The following TENM1 variants were observed in gnomAD, a reference collection of about 807,000 sequenced individuals.
The protein encoded by TENM1 is teneurin transmembrane protein 1.
TENM1 carries 35 observed loss-of-function variants against 174.8 expected under a neutral mutation model. That is an observed-to-expected ratio of 0.20 (90% CI 0.15 to 0.27). The LOEUF (loss-of-function observed/expected upper bound fraction) is 0.27, where lower values mean the gene tolerates loss of function less well. Among genes scored for constraint, TENM1 ranks in the 10% least tolerant of loss-of-function variants. The probability of loss-of-function intolerance (pLI) is 1.00; values close to 1 mark genes in which losing one functional copy is unlikely to be tolerated. For missense variants in TENM1, 1,633 were observed against 2,130.1 expected (o/e 0.77, Z 4.59); for synonymous variants, 781 against 798.7 (o/e 0.98, Z 0.37).
intron 1 of TENM1, among the ~76,000 whole-genome samples, chrX:124,960,057 T>C (rs1441882752): frequency 8.9e-6 from 1 of 112,020 alleles, no homozygotes; most frequent in Non-Finnish European, 1.9e-5. Context: ...AAAATTACAA[T>C]TGATCATGAA....
intron 22 of TENM1, among the ~76,000 whole-genome samples, chrX:124,470,337 T>C (rs190612379): frequency 2.2e-3 from 240 of 111,400 alleles, no homozygotes; most frequent in African/African-American, 7.5e-3. Context: ...GACATATTAT[T>C]AAATAAAAGA....
At chrX:124,853,318 A>C (rs2056757941) in intron 3 of TENM1, among the ~76,000 whole-genome samples, 1 of 111,255 alleles carries the variant, frequency 9.0e-6, no homozygotes, top group Admixed American at 9.6e-5. Context: ...GCCGGAAAAA[A>C]ATTAGTAGCA....
At chrX:124,777,138 G>A (rs2148631754) in intron 3 of TENM1, among the ~76,000 whole-genome samples, 1 of 110,818 alleles carries the variant, frequency 9.0e-6, no homozygotes, top group South Asian at 3.9e-4. Flanking sequence ...TAAAATAAAA[G>A]TTGGAATTAT....
chrX:124,549,908 G>GT (rs202238542), intron 14 of TENM1, among the ~76,000 whole-genome samples: 1,172 of 101,191 alleles, frequency 0.012, 3 homozygotes, highest in South Asian at 0.039. Context: ...GCTATTAACA[G>GT]TTTTTTTTTT....
rs1205368986 is a variant in TENM1 at position 124,738,329 on chromosome X, GA to G, written c.536-1133del. Among the ~76,000 whole-genome samples the G allele has an allele frequency of 8.3e-4, 85 of 102,652 alleles. No individual in the cohort carries two copies. The East Asian group carries it at 8.5e-3, about 10-fold the overall frequency. 89.1% of individuals were successfully genotyped at this position (102,652 alleles called of 115,157 possible). On this transcript the variant is annotated intron_variant, in intron 3 of 31. Transcript: ENST00000422452. ...GCCCACTTTGCAGTGGCTGATCACA[GA>G]AAAAAAAAAAATCACTTCTTTCAAT...
At chrX:124,917,606 T>C (rs2057948253) in intron 1 of TENM1, among the ~76,000 whole-genome samples, 1 of 112,080 alleles carries the variant, frequency 8.9e-6, no homozygotes, top group South Asian at 3.7e-4. Flanking sequence ...TAATTATCTA[T>C]TGAACTGAAT....
At chrX:124,807,558 GGTGA>G (rs1419778441) in intron 3 of TENM1, among the ~76,000 whole-genome samples, 4 of 111,415 alleles carry the variant, frequency 3.6e-5, no homozygotes, top group East Asian at 5.7e-4. Context: ...CTATAATGGT[GGTGA>G]GTAAGTCACT....
chrX:124,752,732 C>A (rs2054110734), intron 3 of TENM1, among the ~76,000 whole-genome samples: 1 of 111,053 alleles, frequency 9.0e-6, no homozygotes, highest in African/African-American at 3.3e-5. Flanking sequence ...TTTCCCAGCA[C>A]CATTTATTAA....
chrX:124,916,003 C>T (rs2057916958), intron 1 of TENM1, among the ~76,000 whole-genome samples: 1 of 111,764 alleles, frequency 8.9e-6, no homozygotes, highest in South Asian at 3.7e-4. Flanking sequence ...CATGTCCCTA[C>T]TTTCAGCATC....
At chrX:125,103,709 G>A in the TENM1 span, among the ~76,000 whole-genome samples, 1 of 112,471 alleles carries the variant, frequency 8.9e-6, no homozygotes, top group Non-Finnish European at 1.9e-5. Context: ...GACTAGGCCG[G>A]GCGCCATGGC....
intron 22 of TENM1, among the ~76,000 whole-genome samples, chrX:124,469,852 G>C (rs928863682): frequency 9.0e-6 from 1 of 111,523 alleles, no homozygotes; most frequent in African/African-American, 3.3e-5. Flanking sequence ...ATATGAAAGT[G>C]AATTTACCAA....
At chrX:124,574,130 T>C (rs989440882) in intron 11 of TENM1, among the ~76,000 whole-genome samples, 1 of 111,929 alleles carries the variant, frequency 8.9e-6, no homozygotes, top group Non-Finnish European at 1.9e-5. Flanking sequence ...TATTGAGACA[T>C]TTCATTTTTA....
chrX:124,894,168 C>G, intron 3 of TENM1, 128 bp downstream of exon 6: 1 of 485,588 alleles, frequency 2.1e-6, no homozygotes, highest in Non-Finnish European at 3.5e-6. Flanking sequence ...ACTGTATTCT[C>G]TGACAGGTTC....
Position 124,412,421 on chromosome X carries a change from C to T in TENM1, c.4983-5932G>A, listed in dbSNP as rs193144023. 7.9e-3 allele frequency among the ~76,000 whole-genome samples: 890 copies of T among 112,421 alleles called. 2 individuals are homozygous for T. Among genetic ancestry groups the T allele is most frequent in the Non-Finnish European group, 0.011 (605 of 53,259 alleles). ...TATTTTCTCATAAGGGATAGCTTGCCCTTTCCTCTGAGGACAATTTAAGCC... is the reference window on the plus strand; with the variant it reads ...TATTTTCTCATAAGGGATAGCTTGCTCTTTCCTCTGAGGACAATTTAAGCC... On this transcript the variant is annotated intron_variant, in intron 25 of 31. Coordinates refer to ENST00000422452, the Ensembl canonical transcript of TENM1.
intron 3 of TENM1, among the ~76,000 whole-genome samples, chrX:124,792,674 G>GA (rs1221037782): frequency 9.0e-6 from 1 of 111,247 alleles, no homozygotes; most frequent in African/African-American, 3.3e-5. Context: ...CTAGCCATGA[G>GA]AAAAAAAGTA....
At chrX:124,817,005 A>G (rs1362012947) in intron 3 of TENM1, among the ~76,000 whole-genome samples, 1 of 110,591 alleles carries the variant, frequency 9.0e-6, no homozygotes, top group Non-Finnish European at 1.9e-5. Flanking sequence ...TGTCATCTAC[A>G]TTAGGTATTT....
rs141098467 is a variant in TENM1 at position 124,392,964 on chromosome X, C to T, written c.5392-616G>A. 3.9e-3 allele frequency among the ~76,000 whole-genome samples: 433 copies of T among 111,471 alleles called. 1 individual carries two copies. Among genetic ancestry groups the T allele is most frequent in the Non-Finnish European group, 6.8e-3 (358 of 53,001 alleles). ...TAAATGAACTAAGTGTTGGTAGGTC[C>T]CCCAGCATTCACAAGGGCAGCACCA... On this transcript the variant is annotated intron_variant, in intron 27 of 31. Coordinates refer to ENST00000422452, the Ensembl canonical transcript of TENM1.
At chrX:124,930,172 T>TA (rs1317498312) in intron 1 of TENM1, among the ~76,000 whole-genome samples, 1 of 111,018 alleles carries the variant, frequency 9.0e-6, no homozygotes, top group Non-Finnish European at 1.9e-5. Context: ...CCCACCTCCC[T>TA]AGCCAAATTT....
chrX:124,610,278 G>A (rs112203548), intron 11 of TENM1, among the ~76,000 whole-genome samples: 33 of 112,096 alleles, frequency 2.9e-4, no homozygotes, highest in African/African-American at 9.7e-4. Flanking sequence ...TGTTTATAGT[G>A]CAATAATAGG....
Sources: gnomAD v4.1 joint callset for allele counts (sites outside exome capture counted in the v4.1 genomes callset) on GRCh38, gnomAD v4.1.1 for gene constraint, MANE v1.5 for transcripts, NCBI Gene and HGNC (gene_info 2026-07-23, HGNC 2026-07-21) for gene names.